TENM2: variants seen among roughly 807,000 people sequenced by gnomAD.
The protein encoded by TENM2 is teneurin transmembrane protein 2.
Under a neutral mutation model 245.2 loss-of-function variants are expected in TENM2, and 52 were observed. The observed-to-expected ratio is 0.21, with a 90% CI of 0.17 to 0.27. The LOEUF is 0.27. Among genes scored for constraint, TENM2 ranks in the 10% least tolerant of loss-of-function variants. The pLI is 1.00. For missense variants in TENM2, 3,046 were observed against 3,666.8 expected, an observed-to-expected ratio of 0.83 and a Z score of 4.37; for synonymous variants, 1,363 against 1,438.9, an observed-to-expected ratio of 0.95 and a Z score of 1.19.
At chr5:167,851,035 C>T (rs902327153) in intron 2 of TENM2, among the ~76,000 whole-genome samples, 1 of 152,228 alleles carries the variant, frequency 6.6e-6, no homozygotes, top group Admixed American at 6.5e-5. Flanking sequence ...AGATAAATTT[C>T]TCCAAGGAAC....
At chr5:167,678,493 C>G (rs1247234154) in intron 2 of TENM2, among the ~76,000 whole-genome samples, 1 of 152,064 alleles carries the variant, frequency 6.6e-6, no homozygotes, top group Non-Finnish European at 1.5e-5. Flanking sequence ...TCCCTCTGTC[C>G]TCCCACCGGA....
chr5:167,286,975 G>A (rs186249430), intron 1 of TENM2, among the ~76,000 whole-genome samples: 5 of 152,164 alleles, frequency 3.3e-5, no homozygotes, highest in African/African-American at 7.2e-5. Context: ...CACACATGCC[G>A]CATGTTGTTA....
At chr5:167,321,813 CGGGGG>C (rs796984665) in intron 1 of TENM2, among the ~76,000 whole-genome samples, 1 of 3,582 alleles carries the variant, frequency 2.8e-4, no homozygotes, top group African/African-American at 9.3e-4. Flanking sequence ...GGGGGGGGGG[CGGGGG>C]GGGGGGTGGA....
At chr5:167,687,764 GTCTC>G (rs1757171573) in intron 2 of TENM2, among the ~76,000 whole-genome samples, 2 of 152,070 alleles carry the variant, frequency 1.3e-5, no homozygotes, top group Admixed American at 1.3e-4. Context: ...CTTCCTCTCT[GTCTC>G]TCTCCTTTCC....
the TENM2 span, among the ~76,000 whole-genome samples, chr5:167,252,802 T>C: frequency 1.3e-5 from 2 of 152,298 alleles, no homozygotes; most frequent in Admixed American, 1.3e-4. Context: ...TACCTTGAGA[T>C]CACTTTTGAG....
In TENM2 at chr5:168,066,307, A is replaced by G. The variant is rs1790502033; in HGVS notation, c.1515+4042A>G. ...ACTTCTTATATCAACCAAAGCAGTC[A>G]CATCATAACTTTAGTGGAGGAGGAC... On this transcript the variant is annotated intron_variant, in intron 7 of 28. Coordinates refer to ENST00000518659, the Ensembl canonical transcript of TENM2. Among the ~76,000 whole-genome samples the G allele has an allele frequency of 2.0e-5, 3 of 152,184 alleles. No homozygotes were observed. The South Asian group carries it at 6.2e-4, about 31-fold the overall frequency.
the TENM2 span, among the ~76,000 whole-genome samples, chr5:167,244,391 T>C: frequency 0.011 from 1,634 of 152,270 alleles, 28 homozygotes; most frequent in African/African-American, 0.037. Context: ...TTAATTATAT[T>C]TAAAGAAAAA....
At chr5:167,043,834 C>T in the TENM2 span, among the ~76,000 whole-genome samples, 2 of 152,134 alleles carry the variant, frequency 1.3e-5, no homozygotes, top group East Asian at 3.9e-4. Context: ...CCATCCTGGC[C>T]AACATGGTGA....
At chr5:167,730,466 A>C (rs1450730670) in intron 2 of TENM2, among the ~76,000 whole-genome samples, 1 of 152,168 alleles carries the variant, frequency 6.6e-6, no homozygotes, top group East Asian at 1.9e-4. Context: ...ATTTGAAAGT[A>C]ATAGTTGTAG....
intron 2 of TENM2, among the ~76,000 whole-genome samples, chr5:167,436,881 ACCTCCG>A (rs1764588538): frequency 6.6e-6 from 1 of 152,048 alleles, no homozygotes; most frequent in African/African-American, 2.4e-5. Flanking sequence ...AGGTTTGGGA[ACCTCCG>A]CCTACATTTC....
intron 2 of TENM2, among the ~76,000 whole-genome samples, chr5:167,637,258 A>G (rs1272088686): frequency 6.6e-6 from 1 of 152,232 alleles, no homozygotes; most frequent in Non-Finnish European, 1.5e-5. Flanking sequence ...AATTATTTAC[A>G]TATTAACTTT....
chr5:167,615,322 G>A (rs1777725223), intron 2 of TENM2, among the ~76,000 whole-genome samples: 1 of 151,956 alleles, frequency 6.6e-6, no homozygotes, highest in African/African-American at 2.4e-5. Flanking sequence ...CTTGCTGATG[G>A]GGAAATTGAC....
chr5:167,608,859 A>G (rs1177508752), intron 2 of TENM2, among the ~76,000 whole-genome samples: 1 of 152,190 alleles, frequency 6.6e-6, no homozygotes, highest in East Asian at 1.9e-4. Context: ...TTCTCTTGGA[A>G]GGGGAAACAG....
the TENM2 span, among the ~76,000 whole-genome samples, chr5:167,151,013 C>T: frequency 1.3e-5 from 2 of 152,160 alleles, no homozygotes; most frequent in African/African-American, 2.4e-5. Flanking sequence ...GTGGTTGAGT[C>T]AGGACTACAA....
At chr5:167,444,897 T>C (rs960441512) in intron 2 of TENM2, among the ~76,000 whole-genome samples, 1 of 152,198 alleles carries the variant, frequency 6.6e-6, no homozygotes, top group Non-Finnish European at 1.5e-5. Context: ...CACTTTATTA[T>C]ACACATTTTC....
intron 5 of TENM2, among the ~76,000 whole-genome samples, chr5:168,014,558 A>C (rs1184415028): frequency 2.6e-5 from 4 of 152,168 alleles, no homozygotes; most frequent in Non-Finnish European, 5.9e-5. Flanking sequence ...AAATTTTTCC[A>C]CAAAGGCTTT....
the TENM2 span, among the ~76,000 whole-genome samples, chr5:167,135,024 G>A: frequency 3.3e-5 from 5 of 152,154 alleles, no homozygotes; most frequent in South Asian, 4.1e-4. Context: ...AAGTGTGTGC[G>A]GTGAATTGCA....
chr5:167,852,007 C>T (rs1049012021), intron 2 of TENM2, among the ~76,000 whole-genome samples: 4 of 152,068 alleles, frequency 2.6e-5, no homozygotes, highest in Non-Finnish European at 4.4e-5. Flanking sequence ...TAATTCTCTC[C>T]CACATTATCA....
chr5:167,446,898 G>A (rs559112558), intron 2 of TENM2, among the ~76,000 whole-genome samples: 11 of 151,784 alleles, frequency 7.2e-5, no homozygotes, highest in South Asian at 2.1e-4. Flanking sequence ...GCTTGGAGCC[G>A]GAAGTTTTTC....
Sources: allele counts gnomAD v4.1 joint callset (sites outside exome capture counted in the v4.1 genomes callset), GRCh38; gene constraint gnomAD v4.1.1; transcripts MANE v1.5; gene names NCBI Gene and HGNC (gene_info 2026-07-23, HGNC 2026-07-21).